The following CCDC178 variants were observed in gnomAD, a reference collection of about 807,000 sequenced individuals.
The protein encoded by CCDC178 is coiled-coil domain containing 178.
A neutral mutation model predicts 117.4 loss-of-function variants in CCDC178; 126 were observed. The observed-to-expected ratio is 1.07, with a 90% CI of 0.93 to 1.24. The LOEUF is 1.24. CCDC178 is among the 50% of genes most tolerant of loss of function. The probability of loss-of-function intolerance (pLI) is 0.00; values close to 1 mark genes in which losing one functional copy is unlikely to be tolerated. For missense variants in CCDC178, 1,030 were observed against 986.9 expected (o/e 1.04, Z -0.59); for synonymous variants, 283 against 313.4 (o/e 0.90, Z 1.02).
intron 20 of CCDC178, among the ~76,000 whole-genome samples, chr18:33,198,374 G>A (rs191394267): frequency 6.6e-6 from 1 of 152,212 alleles, no homozygotes; most frequent in Non-Finnish European, 1.5e-5. Context: ...TCCTGGCTCT[G>A]GTGGAACACT....
chr18:33,260,903 T>G (rs1201188976), intron 14 of CCDC178, among the ~76,000 whole-genome samples: 1 of 152,192 alleles, frequency 6.6e-6, no homozygotes, highest in Non-Finnish European at 1.5e-5. Context: ...TTTCTACTCA[T>G]TTCCACTGGT....
chr18:33,371,300 T>A (rs1049442489), intron 5 of CCDC178, among the ~76,000 whole-genome samples: 1 of 151,974 alleles, frequency 6.6e-6, no homozygotes, highest in Non-Finnish European at 1.5e-5. Context: ...TATGTGTATA[T>A]ATATATAAAT....
intron 20 of CCDC178, among the ~76,000 whole-genome samples, chr18:33,121,305 C>G (rs2057933537): frequency 6.6e-6 from 1 of 152,074 alleles, no homozygotes; most frequent in Non-Finnish European, 1.5e-5. Context: ...CCACCTGTGC[C>G]CAATAGCTTC....
At chr18:33,388,001 A>C (rs554954052) in intron 5 of CCDC178, among the ~76,000 whole-genome samples, 24 of 152,344 alleles carry the variant, frequency 1.6e-4, no homozygotes, top group Non-Finnish European at 1.5e-5. Flanking sequence ...CAAAGAACTT[A>C]AGCAAATTTA....
At chr18:33,025,879 T>A (rs1447979446) in intron 21 of CCDC178, among the ~76,000 whole-genome samples, 1 of 152,112 alleles carries the variant, frequency 6.6e-6, no homozygotes, top group Non-Finnish European at 1.5e-5. Context: ...CAGGCATTCG[T>A]CCCAGAGAAG....
chr18:33,373,369 A>G (rs1555694572), intron 5 of CCDC178, among the ~76,000 whole-genome samples: 1 of 151,362 alleles, frequency 6.6e-6, no homozygotes, highest in Non-Finnish European at 1.5e-5. Context: ...CTTCAATACA[A>G]TTTTTTTTTA....
chr18:33,278,480 A>C (rs1026845114), intron 12 of CCDC178, among the ~76,000 whole-genome samples: 2 of 151,862 alleles, frequency 1.3e-5, no homozygotes, highest in Non-Finnish European at 2.9e-5. Context: ...ACTTCAATTA[A>C]AATTGATTGA....
chr18:32,944,395 T>A (rs2054301466), intron 22 of CCDC178, among the ~76,000 whole-genome samples: 1 of 152,170 alleles, frequency 6.6e-6, no homozygotes, highest in Non-Finnish European at 1.5e-5. Context: ...AGAAAATAGA[T>A]GATGACAGAT....
intron 2 of CCDC178, among the ~76,000 whole-genome samples, chr18:33,427,505 A>G (rs991968539): frequency 3.9e-5 from 6 of 152,134 alleles, no homozygotes; most frequent in African/African-American, 1.4e-4. Context: ...TAAATCTTTA[A>G]ACTCTGTAAC....
intron 21 of CCDC178, among the ~76,000 whole-genome samples, chr18:32,992,052 G>A (rs1226569997): frequency 6.6e-6 from 1 of 152,144 alleles, no homozygotes; most frequent in Non-Finnish European, 1.5e-5. Context: ...TAGAAACTTG[G>A]TCATAGTCCT....
At chr18:32,967,911 G>T (rs2054848427) in intron 22 of CCDC178, among the ~76,000 whole-genome samples, 1 of 149,538 alleles carries the variant, frequency 6.7e-6, no homozygotes, top group Non-Finnish European at 1.5e-5. Context: ...TATTTATGGG[G>T]TACAATTTGA....
chr18:33,405,169 A>T (rs1042096563), intron 3 of CCDC178, among the ~76,000 whole-genome samples: 1 of 151,978 alleles, frequency 6.6e-6, no homozygotes, highest in Non-Finnish European at 1.5e-5. Context: ...CCAAAATAGA[A>T]CAATAGTTAT....
At chr18:33,287,114 G>A (rs1343351644) in intron 12 of CCDC178, among the ~76,000 whole-genome samples, 2 of 152,020 alleles carry the variant, frequency 1.3e-5, no homozygotes, top group East Asian at 1.9e-4. Context: ...AGAGAAAAGT[G>A]TATGTTAATG....
intron 20 of CCDC178, among the ~76,000 whole-genome samples, chr18:33,164,289 G>A (rs1193406261): frequency 6.6e-6 from 1 of 151,702 alleles, no homozygotes; most frequent in Admixed American, 6.6e-5. Context: ...AGTAGAGACG[G>A]AGTTTCTCCT....
intron 2 of CCDC178, among the ~76,000 whole-genome samples, chr18:33,436,579 G>C (rs889182896): frequency 6.6e-6 from 1 of 152,184 alleles, no homozygotes; most frequent in African/African-American, 2.4e-5. Flanking sequence ...CAGAGCTACT[G>C]ACCCTTGGCC....
chr18:33,335,603 C>A (rs2062729495), intron 9 of CCDC178, among the ~76,000 whole-genome samples: 2 of 152,004 alleles, frequency 1.3e-5, no homozygotes, highest in African/African-American at 2.4e-5. Context: ...TTACAGTTAA[C>A]TATTACTTCT....
Position 32,942,926 on chromosome 18 carries a change from T to G in CCDC178, c.2524-4835A>C, listed in dbSNP as rs112478131. On this transcript the variant is annotated intron_variant, in intron 22 of 22. Coordinates refer to ENST00000383096, the MANE Select transcript of CCDC178 (RefSeq NM_001105528.4). ...TGTCTTTTTTTTTGTGCAATGTTATTAGATTTTTGGTGGGGAAGCATTCAT... is the reference window on the plus strand; with the variant it reads ...TGTCTTTTTTTTTGTGCAATGTTATGAGATTTTTGGTGGGGAAGCATTCAT... Among the ~76,000 whole-genome samples, 362 of 152,270 alleles carry G rather than the reference T, an allele frequency of 2.4e-3. 1 individual carries two copies. Among genetic ancestry groups the G allele is most frequent in the African/African-American group, 7.3e-3 (305 of 41,560 alleles).
At chr18:32,947,864 G>A (rs1648124578) in intron 22 of CCDC178, among the ~76,000 whole-genome samples, 1 of 152,056 alleles carries the variant, frequency 6.6e-6, no homozygotes, top group Non-Finnish European at 1.5e-5. Flanking sequence ...ATGATTTTGA[G>A]TTAATTTTTG....
intron 11 of CCDC178, among the ~76,000 whole-genome samples, chr18:33,306,752 A>G (rs2062261158): frequency 6.6e-6 from 1 of 151,908 alleles, no homozygotes; most frequent in Non-Finnish European, 1.5e-5. Context: ...GTCCCCACCC[A>G]AATCTCATCT....
Sources: gnomAD v4.1 joint callset for allele counts (sites outside exome capture counted in the v4.1 genomes callset) on GRCh38, gnomAD v4.1.1 for gene constraint, MANE v1.5 for transcripts, NCBI Gene and HGNC (gene_info 2026-07-23, HGNC 2026-07-21) for gene names.